The following CERS4 variants were observed in gnomAD, a reference collection of about 807,000 sequenced individuals.
The protein encoded by CERS4 is LAG1 homolog, ceramide synthase 4.
A neutral mutation model predicts 51.8 loss-of-function variants in CERS4; 65 were observed. That is an observed-to-expected ratio of 1.26 (90% confidence interval 1.03 to 1.54). CERS4 has a LOEUF of 1.54. Ranked by LOEUF, CERS4 falls within the 40% of genes most tolerant of loss-of-function variation. The pLI is 0.00. For missense variants in CERS4, 563 were observed against 500.4 expected (o/e 1.13, Z -1.19); for synonymous variants, 228 against 208.4 (o/e 1.09, Z -0.81).
chr19:8,218,852 G>A (rs1390911242), intron 2 of CERS4, among the ~76,000 whole-genome samples: 2 of 152,182 alleles, frequency 1.3e-5, no homozygotes, highest in Admixed American at 1.3e-4. Context: ...GCTGATGGAA[G>A]ACGTGTGCTC....
At chr19:8,257,837 G>A (rs892640326) in intron 9 of CERS4, 42 bp from the exon 10 acceptor site, 2 of 1,508,006 alleles carry the variant, frequency 1.3e-6, no homozygotes, top group Admixed American at 1.7e-5. Flanking sequence ...TTGAGACCAG[G>A]GCCCTGGTCC....
chr19:8,250,734 C>A (rs1471269399), intron 2 of CERS4: 3 of 838,620 alleles, frequency 3.6e-6, no homozygotes, highest in South Asian at 5.3e-5. Flanking sequence ...GGATTACAGG[C>A]GTGAGCAACT....
At chr19:8,254,671 G>A (rs1318634875) in intron 4 of CERS4, 55 bp downstream of exon 4, 4 of 1,490,430 alleles carry the variant, frequency 2.7e-6, no homozygotes, top group East Asian at 4.9e-5. Context: ...GTGGGGCGTG[G>A]GGATGGTGTG....
At position 8,251,260 on chromosome 19, in the gene CERS4, G is replaced by T; in HGVS notation, c.173+11G>T. 1 of 1,575,060 alleles carries T rather than the reference G, an allele frequency of 6.3e-7. No individual in the cohort carries two copies. The highest frequency in any genetic ancestry group is 1.2e-5 in the South Asian group (1 of 85,534). On this transcript the variant is annotated intron_variant, in intron 3 of 11. Transcript: ENST00000251363. ...CCTTGCCTTTGAGAGGTGAGTGTCT[G>T]CCCTGCCGCAATCCATTGCCCCCGC...
At position 8,251,233 on chromosome 19, in the gene CERS4, C is replaced by A. The variant is rs781132558; in HGVS notation, c.157C>A (p.Arg53Ser). 6.2e-7 allele frequency: 1 copy of A among 1,604,750 alleles called. No individual in the cohort carries two copies. The highest frequency in any genetic ancestry group is 1.1e-5 in the South Asian group (1 of 89,638). ...LPLALVLLAM[R>S]LAFERFIGLP... ...CCTGGCGCTGGTCCTCCTGGCCATG[C>A]GCCTTGCCTTTGAGAGGTGAGTGTC... The change falls in exon 3 of 12, where the codon CGC (arginine) becomes AGC (serine). Residue 53 changes from arginine to serine, a missense_variant. Physicochemically the swap from Arg to Ser is moderately radical, Grantham distance 110. Transcript: ENST00000251363.
chr19:8,216,032 TCCTCCCTCA>T (rs1218347562), intron 2 of CERS4, among the ~76,000 whole-genome samples: 3 of 152,102 alleles, frequency 2.0e-5, no homozygotes, highest in African/African-American at 7.2e-5. Flanking sequence ...CATCAGGGTT[TCCTCCCTCA>T]CCTCCCTACC....
In CERS4 at chr19:8,210,980, G is replaced by C. The variant is rs1250409945; in HGVS notation, c.-2+118G>C. 6.6e-6 allele frequency: 1 copy of C among 151,998 alleles called. No individual in the cohort carries two copies. Among genetic ancestry groups the C allele is most frequent in the African/African-American group, 2.4e-5 (1 of 41,350 alleles). 9.4% of individuals were successfully genotyped at this position (151,998 alleles called of 1,614,324 possible). A position where few individuals can be genotyped will look rare whatever the true frequency, so the allele number is the denominator to read the frequency against. Reference sequence around the variant, plus strand: ...TACCCATCTGTAAAATGGGTCAGTAGTATCTGAGCCTGGGAGTGTTCATGG... The same window carrying C: ...TACCCATCTGTAAAATGGGTCAGTACTATCTGAGCCTGGGAGTGTTCATGG... On this transcript the variant is annotated intron_variant, in intron 2 of 11. Transcript: ENST00000251363. The surrounding 1 kb of genome is among the most constrained non-coding windows in gnomAD (Gnocchi z 4.2).
At chr19:8,214,697 T>G (rs1967217687) in intron 2 of CERS4, among the ~76,000 whole-genome samples, 2 of 151,884 alleles carry the variant, frequency 1.3e-5, no homozygotes, top group South Asian at 4.2e-4. Flanking sequence ...GTCCTGTATG[T>G]GCAGTGGTCA....
At position 8,213,871 on chromosome 19, in the gene CERS4, CAGG is replaced by C. The variant is rs978655639; in HGVS notation, c.-2+3012_-2+3014del. On this transcript the variant is annotated intron_variant, in intron 2 of 11. Coordinates refer to ENST00000251363, the MANE Select transcript of CERS4 (RefSeq NM_024552.3). ...ATCCCAGCTACTTGGGAGGTTGAGA[CAGG>C]AGAATTGCTTGAACCCAGGAGGCAG... Among the ~76,000 whole-genome samples the C allele has an allele frequency of 5.6e-4, 86 of 152,222 alleles. No individual in the cohort carries two copies. The Middle Eastern group carries it at 0.014, about 24-fold the overall frequency.
In CERS4 at chr19:8,251,140, T is replaced by G; in HGVS notation, c.64T>G (p.Trp22Gly). Residue 22 changes from tryptophan (W) to glycine (G), a missense_variant, in exon 3 of 12, where the codon TGG becomes GGG. By Grantham distance (184) the Trp-to-Gly change is radical. Coordinates refer to ENST00000251363, the MANE Select transcript of CERS4 (RefSeq NM_024552.3). ...GTTCTGGTTACCACCCAATGTCACG[T>G]GGACAGAGCTAGAAGACCGGGATGG... is the stretch of plus-strand genomic sequence containing the variant. ...DRFWLPPNVT[W>G]TELEDRDGRV... is the part of the protein sequence containing the mutation. 1 of 1,612,916 alleles carries G rather than the reference T, an allele frequency of 6.2e-7. No homozygotes were observed.
chr19:8,253,448 CCTT>C (rs1969196089), intron 3 of CERS4, among the ~76,000 whole-genome samples: 3 of 134,200 alleles, frequency 2.2e-5, no homozygotes, highest in African/African-American at 6.0e-5. Flanking sequence ...GGTCCAGCTG[CCTT>C]TTTTTTTTTT....
intron 2 of CERS4, among the ~76,000 whole-genome samples, chr19:8,244,483 T>C (rs1968670866): frequency 6.6e-6 from 1 of 152,184 alleles, no homozygotes; most frequent in Non-Finnish European, 1.5e-5. Context: ...CTTTGACCAA[T>C]ATCTTGCCAA....
chr19:8,261,645 C>T (rs750126620), intron 10 of CERS4, 43 bp from the exon 11 acceptor site: 20 of 1,608,522 alleles, frequency 1.2e-5, no homozygotes, highest in Middle Eastern at 1.8e-4. Context: ...GGGGCTACAG[C>T]GGCTGGTCAA....
intron 2 of CERS4, among the ~76,000 whole-genome samples, chr19:8,236,698 AAAAGAAAG>A (rs926194341): frequency 4.4e-5 from 1 of 22,654 alleles, no homozygotes. Context: ...AAAAAAAAAA[AAAAGAAAG>A]AAAGAAAAAA....
Position 8,251,184 on chromosome 19 carries a change from C to G in CERS4, c.108C>G (p.Pro36=). 3.1e-6 allele frequency: 5 copies of G among 1,613,584 alleles called. No homozygotes were observed. Among genetic ancestry groups the G allele is most frequent in the South Asian group, 1.1e-5 (1 of 90,870 alleles). The part of the protein sequence containing the change: ...EDRDGRVYPH[P]QDLLAALPLA... The stretch of plus-strand genomic sequence containing the variant: ...GGGATGGCCGTGTCTACCCCCACCC[C>G]CAGGACTTGTTGGCAGCCCTGCCCC... The change falls in exon 3 of 12, where the codon CCC becomes CCG. Residue 36 remains proline (P), a synonymous_variant. Transcript: ENST00000251363.
chr19:8,247,695 C>T (rs886464647), intron 2 of CERS4, among the ~76,000 whole-genome samples: 17 of 150,688 alleles, frequency 1.1e-4, no homozygotes, highest in African/African-American at 3.7e-4. Context: ...GTTGGGATTA[C>T]AGGCATGAAC....
At chr19:8,223,846 C>G (rs1053802269) in intron 2 of CERS4, among the ~76,000 whole-genome samples, 1 of 152,068 alleles carries the variant, frequency 6.6e-6, no homozygotes, top group Non-Finnish European at 1.5e-5. Context: ...TGCCTGTAAT[C>G]CCAGCACTTT....
At chr19:8,257,314 G>A (rs185286340) in intron 9 of CERS4, among the ~76,000 whole-genome samples, 69 of 151,400 alleles carry the variant, frequency 4.6e-4, no homozygotes, top group Admixed American at 5.9e-4. Context: ...AGAGGCCCCC[G>A]CCTTCTCAGC....
chr19:8,217,016 C>T lies in CERS4; in HGVS notation c.-2+6154C>T, dbSNP rs568825062. ...TAACACATGTCAGCTTCCCGGGGAC[C>T]TTGCTGGAGTCTGGAAGGAGCTGGG... is the stretch of plus-strand genomic sequence containing the variant. On this transcript the variant is annotated intron_variant, in intron 2 of 11. Transcript: ENST00000251363. Among the ~76,000 whole-genome samples, 113 of 152,218 alleles carry T rather than the reference C, an allele frequency of 7.4e-4. 1 individual carries two copies. Among genetic ancestry groups the T allele is most frequent in the African/African-American group, 2.6e-3 (109 of 41,546 alleles).
Sources: allele counts gnomAD v4.1 joint callset (sites outside exome capture counted in the v4.1 genomes callset), GRCh38; gene constraint gnomAD v4.1.1; non-coding constraint Gnocchi (gnomAD v3.1); transcripts MANE v1.5; gene names NCBI Gene and HGNC (gene_info 2026-07-23, HGNC 2026-07-21).